The following C8orf34 variants were observed in gnomAD, a reference collection of about 807,000 sequenced individuals.
C8orf34 encodes chromosome 8 open reading frame 34.
In C8orf34, 65 loss-of-function variants were observed where a neutral mutation model predicts 68.3. The ratio of observed to expected loss-of-function variants is 0.95; its 90% confidence interval spans 0.78 to 1.17. The LOEUF (loss-of-function observed/expected upper bound fraction) is 1.17, where lower values mean the gene tolerates loss of function less well. Ranked by LOEUF, C8orf34 falls within the 50% of genes most tolerant of loss-of-function variation. C8orf34 has a pLI of 0.00. For synonymous variants in C8orf34, 244 were observed against 241.2 expected (o/e 1.01, Z -0.11); for missense variants, 664 against 655.4 (o/e 1.01, Z -0.14).
chr8:68,583,730 G>A (rs561526344), intron 7 of C8orf34, among the ~76,000 whole-genome samples: 5 of 152,236 alleles, frequency 3.3e-5, no homozygotes, highest in South Asian at 4.1e-4. Context: ...TTTAAATGGC[G>A]AAAGAGTATA....
chr8:68,762,802 G>C (rs1823057432), intron 10 of C8orf34, among the ~76,000 whole-genome samples: 1 of 152,086 alleles, frequency 6.6e-6, no homozygotes, highest in Admixed American at 6.6e-5. Flanking sequence ...TTCACTTTTT[G>C]GACTAAGAAT....
chr8:68,711,970 A>G, intron 9 of C8orf34, among the ~76,000 whole-genome samples: 1 of 152,224 alleles, frequency 6.6e-6, no homozygotes, highest in East Asian at 1.9e-4. Context: ...AAAACCTATC[A>G]GATTAATAGC....
At chr8:68,653,232 T>A (rs1819413700) in intron 8 of C8orf34, among the ~76,000 whole-genome samples, 1 of 152,220 alleles carries the variant, frequency 6.6e-6, no homozygotes, top group Non-Finnish European at 1.5e-5. Flanking sequence ...ATTAATTTTT[T>A]AAAATCCTAT....
chr8:68,675,449 T>C (rs1820155367), intron 8 of C8orf34, among the ~76,000 whole-genome samples: 1 of 152,140 alleles, frequency 6.6e-6, no homozygotes, highest in Non-Finnish European at 1.5e-5. Flanking sequence ...GAGCTTTTAT[T>C]AGTTTTTGCT....
chr8:68,589,669 G>A (rs1470998223), intron 7 of C8orf34, among the ~76,000 whole-genome samples: 2 of 143,996 alleles, frequency 1.4e-5, no homozygotes, highest in African/African-American at 2.7e-5. Flanking sequence ...AGGAGGAAAG[G>A]AGAAGGGAGG....
intron 3 of C8orf34, among the ~76,000 whole-genome samples, chr8:68,456,335 A>C (rs1439140155): frequency 2.0e-5 from 3 of 152,152 alleles, no homozygotes; most frequent in East Asian, 3.8e-4. Context: ...TGAAGAAAAA[A>C]GCAACTTCTT....
chr8:68,611,741 T>C (rs890788619), intron 7 of C8orf34, among the ~76,000 whole-genome samples: 2 of 152,158 alleles, frequency 1.3e-5, no homozygotes, highest in Non-Finnish European at 2.9e-5. Flanking sequence ...AACTACTGTT[T>C]ATAGAGTTTA....
intron 7 of C8orf34, among the ~76,000 whole-genome samples, chr8:68,589,565 GAGAA>G (rs1817312504): frequency 8.2e-6 from 1 of 122,508 alleles, no homozygotes; most frequent in African/African-American, 3.2e-5. Flanking sequence ...GGAAGGGAGA[GAGAA>G]AGGTGGGGGA....
chr8:68,655,024 G>A (rs1156885946), intron 8 of C8orf34, among the ~76,000 whole-genome samples: 1 of 152,090 alleles, frequency 6.6e-6, no homozygotes. Context: ...TTTCTAGATT[G>A]TCTGGATTTT....
Position 68,804,005 on chromosome 8 carries a change from TC to T in C8orf34, c.1550-11880del, listed in dbSNP as rs1315143673. Among the ~76,000 whole-genome samples, 5 of 152,198 alleles carry T rather than the reference TC, an allele frequency of 3.3e-5. No homozygotes were observed. The South Asian group carries it at 6.2e-4, about 19-fold the overall frequency. ...TTTAGTTTGGTAGTTCGTGAAAGGT[TC>T]ACTGTCAACTGACAATTTTTAAAAA... On this transcript the variant is annotated intron_variant, in intron 12 of 13. Coordinates refer to ENST00000518698, the MANE Select transcript of C8orf34 (RefSeq NM_052958.4).
chr8:68,458,068 T>C (rs1404202744), intron 3 of C8orf34, among the ~76,000 whole-genome samples: 2 of 152,158 alleles, frequency 1.3e-5, no homozygotes, highest in African/African-American at 4.8e-5. Context: ...GATTATACCA[T>C]GGCTTTGATT....
intron 8 of C8orf34, among the ~76,000 whole-genome samples, chr8:68,648,922 A>G (rs1819259860): frequency 6.6e-6 from 1 of 152,234 alleles, no homozygotes; most frequent in Admixed American, 6.5e-5. Context: ...AGTCTTATCA[A>G]TGTGAACTCA....
chr8:68,805,551 C>T (rs1824457246), intron 12 of C8orf34, among the ~76,000 whole-genome samples: 1 of 152,136 alleles, frequency 6.6e-6, no homozygotes, highest in South Asian at 2.1e-4. Flanking sequence ...GTGTATCTTC[C>T]TGGTGAATTG....
rs548842625 is a variant in C8orf34, at chr8:68,767,527, T to C, written c.1405-8872T>C. 2.0e-5 allele frequency among the ~76,000 whole-genome samples: 3 copies of C among 152,340 alleles called. No individual in the cohort carries two copies. The South Asian group carries it at 6.2e-4, about 32-fold the overall frequency. On this transcript the variant is annotated intron_variant, in intron 10 of 13. Transcript: ENST00000518698. ...CACAGTCTGGCTTTTACTAACATCATATTCTTGGTGCAATTCAACATGCTC... is the reference window on the plus strand; with the variant it reads ...CACAGTCTGGCTTTTACTAACATCACATTCTTGGTGCAATTCAACATGCTC...
chr8:68,399,016 T>C (rs1248158382), intron 1 of C8orf34, among the ~76,000 whole-genome samples: 12 of 152,120 alleles, frequency 7.9e-5, no homozygotes, highest in Non-Finnish European at 1.5e-5. Flanking sequence ...ACAAGGGACC[T>C]CCCATCTTCA....
intron 12 of C8orf34, among the ~76,000 whole-genome samples, chr8:68,806,142 T>C (rs1265652000): frequency 2.6e-5 from 4 of 152,116 alleles, no homozygotes; most frequent in South Asian, 2.1e-4. Context: ...CCGAATTTTA[T>C]AGGAGTATTG....
intron 8 of C8orf34, among the ~76,000 whole-genome samples, chr8:68,683,106 T>C (rs1447418304): frequency 6.6e-6 from 1 of 151,998 alleles, no homozygotes; most frequent in East Asian, 1.9e-4. Context: ...TGATTTATAG[T>C]TGAATTTGAG....
At position 68,763,888 on chromosome 8, in the gene C8orf34, A is replaced by G. The variant is rs748946506; in HGVS notation, c.1405-12511A>G. 4.5e-4 allele frequency among the ~76,000 whole-genome samples: 69 copies of G among 152,182 alleles called. 1 individual carries two copies. Among genetic ancestry groups the G allele is most frequent in the Non-Finnish European group, 1.3e-4 (9 of 68,036 alleles). Reference sequence around the variant, plus strand: ...TTGCCTTAGACTAGCCCAAGGCTGTATCCCTCCCCATGGATGAGGAGTCCA... The same window carrying G: ...TTGCCTTAGACTAGCCCAAGGCTGTGTCCCTCCCCATGGATGAGGAGTCCA... On this transcript the variant is annotated intron_variant, in intron 10 of 13. Transcript: ENST00000518698.
At chr8:68,548,860 A>G (rs1481593848) in intron 7 of C8orf34, among the ~76,000 whole-genome samples, 3 of 151,854 alleles carry the variant, frequency 2.0e-5, no homozygotes, top group Admixed American at 2.0e-4. Context: ...ACATACTGAT[A>G]CGTGTAACAA....
Sources: gnomAD v4.1 joint callset for allele counts (sites outside exome capture counted in the v4.1 genomes callset) on GRCh38, gnomAD v4.1.1 for gene constraint, MANE v1.5 for transcripts, NCBI Gene and HGNC (gene_info 2026-07-23, HGNC 2026-07-21) for gene names.